The following ADARB2 variants were observed in gnomAD, a reference collection of about 807,000 sequenced individuals.
ADARB2 encodes inactive double-stranded RNA-specific editase B2.
A neutral mutation model predicts 62.2 loss-of-function variants in ADARB2; 25 were observed. The ratio of observed to expected loss-of-function variants is 0.40; its 90% CI spans 0.29 to 0.56. The LOEUF is 0.56. ADARB2 is among the 20% of genes least tolerant of loss of function. ADARB2 has a pLI of 0.43. For synonymous variants in ADARB2, 572 were observed against 500.8 expected, an observed-to-expected ratio of 1.14 and a Z score of -1.90; for missense variants, 1,071 against 1,077.4, an observed-to-expected ratio of 0.99 and a Z score of 0.08.
rs1830929173 is a variant in ADARB2 at position 1,242,018 on chromosome 10, T to C, written c.1361+113A>G. ...AAAAGGGATGCTTTCTGGCTCACCC[T>C]GTGCCAGGATAGAGGGAAGCGTGTT... On this transcript the variant is annotated intron_variant, in intron 5 of 9. Transcript: ENST00000381312. 6.0e-6 allele frequency: 7 copies of C among 1,175,848 alleles called. No homozygotes were observed. In the East Asian group the frequency reaches 1.0e-4, roughly 17 times the overall value. The allele number at this position is 1,175,848 out of a possible 1,614,324, so 72.8% of individuals were successfully genotyped here. A position where few individuals can be genotyped will look rare whatever the true frequency, so the allele number is the denominator to read the frequency against.
intron 3 of ADARB2, among the ~76,000 whole-genome samples, chr10:1,320,459 T>C (rs2131827417): frequency 6.6e-6 from 1 of 152,338 alleles, no homozygotes; most frequent in South Asian, 2.1e-4. Flanking sequence ...GTATCTGAGC[T>C]CAGGCAAGAC....
intron 1 of ADARB2, among the ~76,000 whole-genome samples, chr10:1,663,407 A>T (rs1424701406): frequency 1.3e-5 from 2 of 151,964 alleles, no homozygotes; most frequent in East Asian, 3.9e-4. Context: ...GAGCGCTGCC[A>T]CTCCCGAAAC....
At chr10:1,335,161 C>T (rs761010002) in intron 3 of ADARB2, among the ~76,000 whole-genome samples, 4 of 150,076 alleles carry the variant, frequency 2.7e-5, no homozygotes, top group Non-Finnish European at 4.4e-5. Flanking sequence ...CAGCTACCTG[C>T]GCCTGGGGCA....
intron 1 of ADARB2, among the ~76,000 whole-genome samples, chr10:1,584,817 T>C (rs186783866): frequency 6.6e-6 from 1 of 152,182 alleles, no homozygotes; most frequent in African/African-American, 2.4e-5. Context: ...GAAATGTAAG[T>C]GCATATTGCT....
chr10:1,395,116 A>G (rs959603145), intron 1 of ADARB2, among the ~76,000 whole-genome samples: 1 of 152,008 alleles, frequency 6.6e-6, no homozygotes, highest in Non-Finnish European at 1.5e-5. Context: ...AGGGCTTGCT[A>G]TATTGCCTGG....
rs998492814 is a variant in ADARB2 at position 1,283,150 on chromosome 10, G to T, written c.1078-12081C>A. ...CCTTGGTGTCTTACAGCACTTTCAA[G>T]CTGTGTCCTTTCCTGGCATAATTTG... On this transcript the variant is annotated intron_variant, in intron 3 of 9. Transcript: ENST00000381312. Among the ~76,000 whole-genome samples, 5 of 152,220 alleles carry T rather than the reference G, an allele frequency of 3.3e-5. No individual in the cohort carries two copies. The East Asian group carries it at 7.7e-4, about 23-fold the overall frequency.
chr10:1,347,540 G>T (rs1801110033), intron 3 of ADARB2, among the ~76,000 whole-genome samples: 1 of 152,214 alleles, frequency 6.6e-6, no homozygotes, highest in Non-Finnish European at 1.5e-5. Flanking sequence ...CAGGGCTGTG[G>T]ATGGCAGCCG....
At chr10:1,257,151 C>T (rs1008161096) in intron 4 of ADARB2, among the ~76,000 whole-genome samples, 1 of 152,194 alleles carries the variant, frequency 6.6e-6, no homozygotes, top group Non-Finnish European at 1.5e-5. Flanking sequence ...ACCTCTAATA[C>T]TTTCTATTCT....
chr10:1,577,695 C>T (rs899136731), intron 1 of ADARB2, among the ~76,000 whole-genome samples: 9 of 152,146 alleles, frequency 5.9e-5, no homozygotes, highest in East Asian at 5.8e-4. Flanking sequence ...CCATCCCTGC[C>T]GCACACGACA....
chr10:1,582,464 A>T (rs540242229), intron 1 of ADARB2, among the ~76,000 whole-genome samples: 2 of 152,356 alleles, frequency 1.3e-5, no homozygotes, highest in South Asian at 4.1e-4. Context: ...CAGTGTCAGA[A>T]GACCAGAAAT....
chr10:1,312,165 T>C (rs1564254130), intron 3 of ADARB2, among the ~76,000 whole-genome samples: 1 of 152,224 alleles, frequency 6.6e-6, no homozygotes, highest in Non-Finnish European at 1.5e-5. Flanking sequence ...GGCGGCAAGT[T>C]TCACTGACTC....
intron 6 of ADARB2, among the ~76,000 whole-genome samples, chr10:1,229,867 T>C (rs991334152): frequency 1.3e-5 from 2 of 151,956 alleles, no homozygotes; most frequent in African/African-American, 4.8e-5. Context: ...TGTGTGTGTG[T>C]GGGTATATAT....
intron 3 of ADARB2, among the ~76,000 whole-genome samples, chr10:1,298,256 G>T (rs1564250328): frequency 6.6e-6 from 1 of 152,178 alleles, no homozygotes; most frequent in Non-Finnish European, 1.5e-5. Flanking sequence ...AAGACAAAAT[G>T]AAGTTTCTCA....
At position 1,404,462 on chromosome 10, in the gene ADARB2, G is replaced by A. The variant is rs139573849; in HGVS notation, c.101-25302C>T. 2.1e-4 allele frequency among the ~76,000 whole-genome samples: 32 copies of A among 152,346 alleles called. No individual in the cohort carries two copies. The East Asian group carries it at 2.1e-3, about 10-fold the overall frequency. On this transcript the variant is annotated intron_variant, in intron 1 of 9. Transcript: ENST00000381312. ...CCAGCAGACGCCAGGGAGACGCTGC[G>A]TGGTGATGAGTGCGCAAGAACCAGC...
intron 3 of ADARB2, among the ~76,000 whole-genome samples, chr10:1,343,814 G>A (rs372815039): frequency 6.6e-6 from 1 of 152,146 alleles, no homozygotes; most frequent in Non-Finnish European, 1.5e-5. Context: ...ATGTGGGAGC[G>A]AAACACTGGG....
chr10:1,377,845 A>G (rs958064090), intron 2 of ADARB2, among the ~76,000 whole-genome samples: 1 of 152,166 alleles, frequency 6.6e-6, no homozygotes, highest in Admixed American at 6.5e-5. Flanking sequence ...CTGTGATGCT[A>G]CTTTTGCAGA....
chr10:1,713,589 A>G (rs908803104), intron 1 of ADARB2, among the ~76,000 whole-genome samples: 6 of 152,170 alleles, frequency 3.9e-5, no homozygotes, highest in African/African-American at 1.4e-4. Flanking sequence ...CAAAGCCACA[A>G]TACTCTTCTA....
intron 3 of ADARB2, among the ~76,000 whole-genome samples, chr10:1,351,916 C>T (rs1376113494): frequency 6.8e-6 from 1 of 147,886 alleles, no homozygotes; most frequent in Non-Finnish European, 1.5e-5. Context: ...CCCTTGGTGC[C>T]AAACCCATAT....
chr10:1,343,934 C>T (rs1285067835), intron 3 of ADARB2, among the ~76,000 whole-genome samples: 2 of 152,188 alleles, frequency 1.3e-5, no homozygotes, highest in Non-Finnish European at 2.9e-5. Context: ...GTGCTAATCA[C>T]ATGGGTAACA....
Sources: allele counts gnomAD v4.1 joint callset (sites outside exome capture counted in the v4.1 genomes callset), GRCh38; gene constraint gnomAD v4.1.1; transcripts MANE v1.5; gene names NCBI Gene and HGNC (gene_info 2026-07-23, HGNC 2026-07-21).